The following TPRG1 variants were observed in gnomAD, a reference collection of about 807,000 sequenced individuals.
The protein encoded by TPRG1 is tumor protein p63 regulated 1.
Under a neutral mutation model 29.3 loss-of-function variants are expected in TPRG1, and 29 were observed. That is an observed-to-expected ratio of 0.99 (90% CI 0.74 to 1.35). The LOEUF (loss-of-function observed/expected upper bound fraction) is 1.35. TPRG1 is among the 40% of genes most tolerant of loss of function. TPRG1 has a pLI of 0.00. For synonymous variants in TPRG1, 130 were observed against 116.8 expected (o/e 1.11, Z -0.73); for missense variants, 327 against 335.0 (o/e 0.98, Z 0.19).
At chr3:189,132,383 C>T (rs1007233389) in intron 2 of TPRG1, 1 of 152,206 alleles carries the variant, frequency 6.6e-6, no homozygotes, top group Admixed American at 6.5e-5. Context: ...CGTGCTTTCT[C>T]TCTCTCCTTA....
chr3:189,065,609 T>G (rs1207290425), intron 4 of TPRG1, among the ~76,000 whole-genome samples: 1 of 151,794 alleles, frequency 6.6e-6, no homozygotes, highest in Non-Finnish European at 1.5e-5. Context: ...TTTCACAATA[T>G]CAAACATTTA....
intron 1 of TPRG1, among the ~76,000 whole-genome samples, chr3:189,102,490 C>A (rs887091064): frequency 6.6e-6 from 1 of 150,670 alleles, no homozygotes; most frequent in Non-Finnish European, 1.5e-5. Flanking sequence ...TCTTTCTCAG[C>A]CCTACATGTT....
intron 5 of TPRG1, among the ~76,000 whole-genome samples, chr3:189,317,369 T>G (rs901478566): frequency 1.3e-5 from 2 of 152,184 alleles, no homozygotes; most frequent in African/African-American, 4.8e-5. Flanking sequence ...CTTTATGGCC[T>G]TTGCAATATA....
chr3:189,184,411 A>G (rs1434685949), intron 1 of TPRG1, among the ~76,000 whole-genome samples: 3 of 152,250 alleles, frequency 2.0e-5, no homozygotes, highest in Admixed American at 6.5e-5. Context: ...CACTGATAGC[A>G]TAACTCCATT....
intron 4 of TPRG1, among the ~76,000 whole-genome samples, chr3:189,270,826 C>T (rs546228001): frequency 6.6e-6 from 1 of 152,204 alleles, no homozygotes; most frequent in Admixed American, 6.5e-5. Context: ...AGTGCTTTAC[C>T]TGAGATGAAA....
intron 3 of TPRG1, among the ~76,000 whole-genome samples, chr3:189,216,900 C>G (rs1736153690): frequency 6.6e-6 from 1 of 152,166 alleles, no homozygotes; most frequent in East Asian, 1.9e-4. Flanking sequence ...TTTTGGAGAT[C>G]CCATCAGTAG....
intron 3 of TPRG1, among the ~76,000 whole-genome samples, chr3:189,013,064 T>A (rs1712687397): frequency 9.4e-5 from 1 of 10,586 alleles, no homozygotes; most frequent in Non-Finnish European, 4.4e-3. Flanking sequence ...TTCTGCTAGC[T>A]TTGGGGTTTG....
intron 4 of TPRG1, among the ~76,000 whole-genome samples, chr3:189,305,848 C>G (rs1044066425): frequency 6.6e-6 from 1 of 152,294 alleles, no homozygotes; most frequent in African/African-American, 2.4e-5. Context: ...GGGACCCTTC[C>G]CCTGCCTCTG....
chr3:189,099,015 A>G (rs1324566469), upstream of TPRG1, among the ~76,000 whole-genome samples: 1 of 152,110 alleles, frequency 6.6e-6, no homozygotes, highest in African/African-American at 2.4e-5. Flanking sequence ...CCTGCGTGCT[A>G]CAGCCGCAGC....
At position 189,279,661 on chromosome 3, in the gene TPRG1, T is replaced by C. The variant is rs183481462; in HGVS notation, c.480-30725T>C. The stretch of plus-strand genomic sequence containing the variant: ...AATGCTGAACATAGTGAGCCCTCAA[T>C]GAAAGGTAGTATGAAAAACCTCACT... On this transcript the variant is annotated intron_variant, in intron 4 of 5. Transcript: ENST00000345063. Among the ~76,000 whole-genome samples the C allele has an allele frequency of 6.9e-4, 105 of 152,214 alleles. 1 individual carries two copies. Among genetic ancestry groups the C allele is most frequent in the Admixed American group, 1.3e-3 (20 of 15,286 alleles).
chr3:189,265,506 T>C (rs577087778), intron 4 of TPRG1, among the ~76,000 whole-genome samples: 1 of 152,332 alleles, frequency 6.6e-6, no homozygotes, highest in East Asian at 1.9e-4. Flanking sequence ...TGGCTTCCAG[T>C]AACATTCTCC....
intron 4 of TPRG1, among the ~76,000 whole-genome samples, chr3:189,033,538 T>C (rs971822641): frequency 6.6e-6 from 1 of 151,940 alleles, no homozygotes; most frequent in Non-Finnish European, 1.5e-5. Flanking sequence ...CTCCTCAAAG[T>C]GCTGGGATTA....
chr3:189,314,023 G>C (rs1308097666), intron 5 of TPRG1, among the ~76,000 whole-genome samples: 1 of 152,152 alleles, frequency 6.6e-6, no homozygotes, highest in Non-Finnish European at 1.5e-5. Flanking sequence ...AGGAGATTTT[G>C]AGTTATTCAG....
At chr3:189,130,288 G>C (rs148832752) in intron 2 of TPRG1, among the ~76,000 whole-genome samples, 3 of 152,290 alleles carry the variant, frequency 2.0e-5, no homozygotes, top group South Asian at 4.1e-4. Flanking sequence ...TATTTTGACT[G>C]TCTTTAGGAT....
At chr3:189,304,879 C>T (rs1376460992) in intron 4 of TPRG1, among the ~76,000 whole-genome samples, 1 of 152,110 alleles carries the variant, frequency 6.6e-6, no homozygotes, top group Non-Finnish European at 1.5e-5. Flanking sequence ...CATCGCCCGC[C>T]CGCCTCCTCC....
At chr3:189,041,385 G>A (rs1309563999) in intron 4 of TPRG1, among the ~76,000 whole-genome samples, 1 of 152,208 alleles carries the variant, frequency 6.6e-6, no homozygotes, top group Admixed American at 6.5e-5. Context: ...TGAAATCAGA[G>A]AGTCTCGGAT....
Position 189,324,936 on chromosome 3 carries a change from T to C in TPRG1, c.*4116T>C, listed in dbSNP as rs1724601209. On this transcript the variant is annotated 3_prime_UTR_variant, in exon 6 of 6. Transcript: ENST00000345063. ...CTGCTCATGAGTGACTTCTTATGCT[T>C]AGTGGCAGGAAACTTTAGTCACTGA... 1 of 152,132 alleles carries C rather than the reference T, an allele frequency of 6.6e-6. No individual in the cohort carries two copies. Among genetic ancestry groups the C allele is most frequent in the African/African-American group, 2.4e-5 (1 of 41,426 alleles). The allele number at this position is 152,132 out of a possible 1,614,324, so 9.4% of individuals were successfully genotyped here. A position where few individuals can be genotyped will look rare whatever the true frequency, so the allele number is the denominator to read the frequency against.
chr3:189,284,297 C>T (rs1167035221), intron 4 of TPRG1, among the ~76,000 whole-genome samples: 2 of 151,696 alleles, frequency 1.3e-5, no homozygotes, highest in African/African-American at 4.9e-5. Flanking sequence ...GTGTCCTGCA[C>T]CCATTAACCT....
At chr3:189,268,238 G>A (rs1714460992) in intron 4 of TPRG1, among the ~76,000 whole-genome samples, 1 of 152,118 alleles carries the variant, frequency 6.6e-6, no homozygotes, top group Admixed American at 6.5e-5. Context: ...AGAATGCCCG[G>A]GGTTTGATTT....
Sources: allele counts gnomAD v4.1 joint callset (sites outside exome capture counted in the v4.1 genomes callset), GRCh38; gene constraint gnomAD v4.1.1; transcripts MANE v1.5; gene names NCBI Gene and HGNC (gene_info 2026-07-23, HGNC 2026-07-21).